F13A1: variants seen among roughly 807,000 people sequenced by gnomAD.
F13A1 encodes the protein coagulation factor XIII A chain.
In F13A1, 47 loss-of-function variants were observed where a neutral mutation model predicts 80.1. The ratio of observed to expected loss-of-function variants is 0.59; its 90% CI spans 0.46 to 0.75. The LOEUF is 0.75. Among genes scored for constraint, F13A1 ranks in the 30% least tolerant of loss-of-function variants. F13A1 has a pLI of 0.00. For synonymous variants in F13A1, 349 were observed against 344.9 expected (o/e 1.01, Z -0.13); for missense variants, 817 against 930.4 (o/e 0.88, Z 1.59).
rs202155999 is a variant in F13A1, at chr6:6,215,209, C to T, written c.1112+6824G>A. Among the ~76,000 whole-genome samples the T allele has an allele frequency of 6.0e-5, 8 of 132,632 alleles. 1 individual carries two copies. Among genetic ancestry groups the T allele is most frequent in the East Asian group, 2.1e-4 (1 of 4,728 alleles). 87.0% of individuals were successfully genotyped at this position (132,632 alleles called of 152,430 possible). A position where few individuals can be genotyped will look rare whatever the true frequency, so the allele number is the denominator to read the frequency against. On this transcript the variant is annotated intron_variant, in intron 8 of 14. Transcript: ENST00000264870. ...GCCAGCATCATCCTGATACCAAAGC[C>T]GGGTAGAGACACAACAAAAAAAGAG...
chr6:6,181,641 A>G (rs1760987814), intron 11 of F13A1, among the ~76,000 whole-genome samples: 1 of 152,220 alleles, frequency 6.6e-6, no homozygotes, highest in South Asian at 2.1e-4. Flanking sequence ...CTATTATTGG[A>G]CTAAAATTAC....
chr6:6,169,230 C>T (rs766160742), intron 12 of F13A1: 3 of 152,258 alleles, frequency 2.0e-5, no homozygotes, highest in Non-Finnish European at 2.9e-5. Flanking sequence ...CCTGTAGAAT[C>T]AGCCCTGCAG....
intron 7 of F13A1, among the ~76,000 whole-genome samples, chr6:6,223,384 G>C (rs1757227225): frequency 6.6e-6 from 1 of 152,126 alleles, no homozygotes; most frequent in African/African-American, 2.4e-5. Context: ...GGAGAACTTG[G>C]GTCCTTTCTG....
intron 10 of F13A1, among the ~76,000 whole-genome samples, chr6:6,185,395 G>T (rs1411766860): frequency 2.1e-5 from 3 of 144,400 alleles, no homozygotes; most frequent in Non-Finnish European, 4.5e-5. Context: ...TTGGTTTTTG[G>T]TTCTTGAGAT....
intron 11 of F13A1, among the ~76,000 whole-genome samples, chr6:6,177,748 C>T (rs139294526): frequency 0.024 from 3,718 of 152,296 alleles, 69 homozygotes; most frequent in Non-Finnish European, 0.039. Context: ...AGAAGGAACA[C>T]GTGAAGAGCA....
chr6:6,241,509 T>C (rs766795176), intron 6 of F13A1, among the ~76,000 whole-genome samples: 3 of 152,190 alleles, frequency 2.0e-5, no homozygotes, highest in Non-Finnish European at 4.4e-5. Context: ...TTTTGATAGA[T>C]GAACTTTTTC....
In F13A1 at chr6:6,305,443, A is replaced by G. The variant is rs775876960; in HGVS notation, c.227T>C (p.Ile76Thr). 7 of 1,614,132 alleles carry G rather than the reference A, an allele frequency of 4.3e-6. No homozygotes were observed. In the Admixed American group the frequency reaches 1.0e-4, roughly 23 times the overall value. ...ATAGAAAGACTGCCCTCTGCGGACA[A>G]TCAGCTTGTTGTTTTCATACTTGTC... ...HTDKYENNKL[I>T]VRRGQSFYVQ... Residue 76 changes from isoleucine to threonine, a missense_variant, in exon 3 of 15, where the codon ATT (isoleucine) becomes ACT (threonine). Ile to Thr is a moderately conservative substitution (Grantham distance 89, BLOSUM62 -1). Transcript: ENST00000264870.
chr6:6,157,877 G>A (rs1352886806), intron 13 of F13A1, among the ~76,000 whole-genome samples: 3 of 152,124 alleles, frequency 2.0e-5, no homozygotes, highest in South Asian at 2.1e-4. Context: ...TTTAGGTACC[G>A]CAGTTACCAG....
chr6:6,210,985 C>T, intron 8 of F13A1, among the ~76,000 whole-genome samples: 1 of 152,198 alleles, frequency 6.6e-6, no homozygotes, highest in Non-Finnish European at 1.5e-5. Context: ...CCTGCATCGG[C>T]CTCCCAAAGT....
At chr6:6,277,620 A>G (rs992684442) in intron 3 of F13A1, among the ~76,000 whole-genome samples, 15 of 152,228 alleles carry the variant, frequency 9.9e-5, no homozygotes, top group African/African-American at 3.6e-4. Context: ...TACAGTTTTG[A>G]TTGCGTAAGA....
intron 8 of F13A1, among the ~76,000 whole-genome samples, chr6:6,218,357 A>G (rs1757134137): frequency 6.6e-6 from 1 of 151,956 alleles, no homozygotes; most frequent in Admixed American, 6.6e-5. Flanking sequence ...CTCGTATTCT[A>G]TTTGCTGTTT....
intron 6 of F13A1, among the ~76,000 whole-genome samples, chr6:6,241,693 A>G (rs1452393793): frequency 6.6e-6 from 1 of 152,198 alleles, no homozygotes; most frequent in African/African-American, 2.4e-5. Context: ...TTGCTTTGTA[A>G]TTAAAATTTT....
intron 14 of F13A1, among the ~76,000 whole-genome samples, chr6:6,148,033 C>T (rs946988287): frequency 3.0e-4 from 45 of 152,258 alleles, no homozygotes; most frequent in Admixed American, 1.0e-3. Flanking sequence ...GTCCTCTGTG[C>T]TTCTAGACCT....
At chr6:6,242,098 A>T (rs1177480722) in intron 6 of F13A1, among the ~76,000 whole-genome samples, 1 of 152,208 alleles carries the variant, frequency 6.6e-6, no homozygotes, top group African/African-American at 2.4e-5. Context: ...GGGGAGGAAA[A>T]GATGGACAAA....
At chr6:6,267,765 A>G (rs984744093) in intron 3 of F13A1, among the ~76,000 whole-genome samples, 9 of 152,252 alleles carry the variant, frequency 5.9e-5, no homozygotes, top group Non-Finnish European at 7.3e-5. Flanking sequence ...GATGAAAGGA[A>G]TTTTAAAGCT....
rs1196732882 is a variant in F13A1 at position 6,144,324 on chromosome 6, G to A, written c.*1295C>T. 4 of 152,208 alleles carry A rather than the reference G, an allele frequency of 2.6e-5. No individual in the cohort carries two copies. Among genetic ancestry groups the A allele is most frequent in the East Asian group, 1.9e-4 (1 of 5,198 alleles). The allele number at this position is 152,208 out of a possible 1,614,324, so 9.4% of individuals were successfully genotyped here. On this transcript the variant is annotated 3_prime_UTR_variant, in exon 15 of 15. Coordinates refer to ENST00000264870, the MANE Select transcript of F13A1 (RefSeq NM_000129.4). ...GGAACAGTCTCAAAGGCTTAGAAAT[G>A]TGGTTATATAGACCAGAGCATTCCA...
intron 2 of F13A1, among the ~76,000 whole-genome samples, chr6:6,313,279 C>CTTTTTTTTTTTTT (rs1331326098): frequency 8.0e-5 from 8 of 100,350 alleles, no homozygotes; most frequent in Non-Finnish European, 1.1e-4. Context: ...TGCTAAGCCG[C>CTTTTTTTTTTTTT]CTTTTTTTTT....
At chr6:6,184,839 C>G (rs1478391986) in intron 10 of F13A1, among the ~76,000 whole-genome samples, 1 of 152,134 alleles carries the variant, frequency 6.6e-6, no homozygotes, top group African/African-American at 2.4e-5. Context: ...AGACGAGAAA[C>G]ACCTGTATGG....
intron 13 of F13A1, among the ~76,000 whole-genome samples, chr6:6,152,790 C>G (rs1291962083): frequency 6.6e-6 from 1 of 152,212 alleles, no homozygotes; most frequent in Non-Finnish European, 1.5e-5. Flanking sequence ...GCTTTTCCAA[C>G]ATAAACGCAA....
Sources: gnomAD v4.1 joint callset for allele counts (sites outside exome capture counted in the v4.1 genomes callset) on GRCh38, gnomAD v4.1.1 for gene constraint, MANE v1.5 for transcripts, NCBI Gene and HGNC (gene_info 2026-07-23, HGNC 2026-07-21) for gene names.